PLA2G6: variants seen among roughly 807,000 people sequenced by gnomAD.
PLA2G6 encodes 85/88 kDa calcium-independent phospholipase A2.
A neutral mutation model predicts 83.8 loss-of-function variants in PLA2G6; 62 were observed. The ratio of observed to expected loss-of-function variants is 0.74; its 90% CI spans 0.60 to 0.91. The LOEUF is 0.91. Ranked by LOEUF, PLA2G6 falls within the 40% of genes least tolerant of loss-of-function variation. The pLI is 0.00. For missense variants in PLA2G6, 944 were observed against 1,102.0 expected, an observed-to-expected ratio of 0.86 and a Z score of 2.03; for synonymous variants, 417 against 449.8, an observed-to-expected ratio of 0.93 and a Z score of 0.92.
chr22:38,159,237 G>A (rs909787405), intron 2 of PLA2G6, among the ~76,000 whole-genome samples: 1 of 152,080 alleles, frequency 6.6e-6, no homozygotes, highest in African/African-American at 2.4e-5. Context: ...AAGGAAATAA[G>A]GGGACCTGCA....
In PLA2G6 at chr22:38,174,258, C is replaced by T. The variant is rs532931038; in HGVS notation, c.-45-4787G>A. Among the ~76,000 whole-genome samples, 12 of 151,988 alleles carry T rather than the reference C, an allele frequency of 7.9e-5. 1 individual carries two copies. The South Asian group carries it at 1.9e-3, about 24-fold the overall frequency. On this transcript the variant is annotated intron_variant, in intron 1 of 16. Transcript: ENST00000332509. Reference sequence around the variant, plus strand: ...AAAAATACAAAAAAAATTAGCTGGGCGTGGTGGCGGGTGCCTGTAGTCCCA... The same window carrying T: ...AAAAATACAAAAAAAATTAGCTGGGTGTGGTGGCGGGTGCCTGTAGTCCCA...
chr22:38,126,500 T>C, intron 9 of PLA2G6, 51 bp from the exon 10 acceptor site: 1 of 1,424,726 alleles, frequency 7.0e-7, no homozygotes, highest in South Asian at 1.1e-5. Context: ...CCCCAAGCCC[T>C]GCTACCCCAG....
chr22:38,175,118 C>T (rs1031767689), intron 1 of PLA2G6, among the ~76,000 whole-genome samples: 5 of 152,158 alleles, frequency 3.3e-5, no homozygotes, highest in East Asian at 1.9e-4. Flanking sequence ...CAGGCAGTCC[C>T]CTCTCCTCCC....
Position 38,132,090 on chromosome 22 carries a change from G to A in PLA2G6, c.1077+741C>T, listed in dbSNP as rs543598897. The A allele has an allele frequency of 1.2e-3, 527 of 454,682 alleles. 2 individuals carry two copies. The highest frequency in any genetic ancestry group is 6.2e-3 in the South Asian group (400 of 64,338). The allele number at this position is 454,682 out of a possible 1,614,324, so 28.2% of individuals were successfully genotyped here. On this transcript the variant is annotated intron_variant, in intron 7 of 16. Transcript: ENST00000332509. The surrounding 1 kb of genome is among the most constrained non-coding windows in gnomAD (Gnocchi z 5.0). ...AGATCGCGCCACTGCACTCCAGCCTGGGCGACAGTGCGAGACTCCATCTCG... is the reference window on the plus strand; with the variant it reads ...AGATCGCGCCACTGCACTCCAGCCTAGGCGACAGTGCGAGACTCCATCTCG...
At chr22:38,145,833 A>ACACACACC (rs1491467180) in intron 2 of PLA2G6, 180 bp from the exon 3 acceptor site, 67 of 595,194 alleles carry the variant, frequency 1.1e-4, no homozygotes, top group Admixed American at 5.3e-4. Flanking sequence ...ACACACACAC[A>ACACACACC]CCCCTATACA....
chr22:38,140,843 G>A (rs1055503929), intron 4 of PLA2G6: 2 of 153,092 alleles, frequency 1.3e-5, no homozygotes, highest in Non-Finnish European at 2.9e-5. Flanking sequence ...CCAAGAGTGT[G>A]ATACCAGCCT....
chr22:38,121,005 G>A, intron 11 of PLA2G6, 96 bp from the exon 12 acceptor site: 1 of 1,458,046 alleles, frequency 6.9e-7, no homozygotes, highest in Non-Finnish European at 9.4e-7. Context: ...GGAGGTGGCA[G>A]GAGGAAGCGG....
Position 38,112,099 on chromosome 22 carries a change from G to A in PLA2G6, c.*62C>T. On this transcript the variant is annotated 3_prime_UTR_variant, in exon 17 of 17. Transcript: ENST00000332509. ...ATCTGCCCGGGAGGGCAGTGGCTGG[G>A]CTTGGCCTGGCAGGGGCTGAATGGA... The A allele has an allele frequency of 1.3e-6, 2 of 1,541,350 alleles. No individual in the cohort carries two copies. Among genetic ancestry groups the A allele is most frequent in the Non-Finnish European group, 1.8e-6 (2 of 1,139,066 alleles).
intron 4 of PLA2G6, chr22:38,140,507 T>TA (rs1040917164): frequency 4.6e-4 from 128 of 275,726 alleles, no homozygotes; most frequent in Middle Eastern, 4.0e-3. Flanking sequence ...AAACTCTGTC[T>TA]AAAAAAAAAG....
chr22:38,170,187 C>G (rs577478861), intron 1 of PLA2G6, among the ~76,000 whole-genome samples: 2 of 141,266 alleles, frequency 1.4e-5, no homozygotes, highest in East Asian at 4.2e-4. Context: ...GATAGGGTGA[C>G]TCTGTCTCAA....
chr22:38,130,084 G>A (rs6001014), intron 7 of PLA2G6: 9,191 of 246,912 alleles, frequency 0.037, 854 homozygotes, highest in African/African-American at 0.19. Context: ...CCTGGAGGCC[G>A]GGCAGGGGCG....
Position 38,117,202 on chromosome 22 carries a change from G to A in PLA2G6, c.1743-991C>T, listed in dbSNP as rs1225504182. On this transcript the variant is annotated intron_variant, in intron 12 of 16. Coordinates refer to ENST00000332509, the MANE Select transcript of PLA2G6 (RefSeq NM_003560.4). Reference sequence around the variant, plus strand: ...AAACGGGTCAAGTTCGCCCACGAGCGTGGACACAAAAATCTTTTTTTTGAG... The same window carrying A: ...AAACGGGTCAAGTTCGCCCACGAGCATGGACACAAAAATCTTTTTTTTGAG... Among the ~76,000 whole-genome samples, 8 of 152,116 alleles carry A rather than the reference G, an allele frequency of 5.3e-5. No individual in the cohort carries two copies. In the East Asian group the frequency reaches 1.4e-3, roughly 26 times the overall value.
chr22:38,135,205 C>A, intron 5 of PLA2G6, 121 bp from the exon 6 acceptor site: 1 of 718,546 alleles, frequency 1.4e-6, no homozygotes, highest in Non-Finnish European at 2.5e-6. Flanking sequence ...CAAAGTTCAG[C>A]AAACCCAACC....
chr22:38,154,534 T>C (rs1046984172), intron 2 of PLA2G6, among the ~76,000 whole-genome samples: 31 of 152,260 alleles, frequency 2.0e-4, no homozygotes, highest in African/African-American at 7.2e-4. Flanking sequence ...GCAAGAGCCA[T>C]AGTATTAGTA....
chr22:38,117,211 A>G (rs942843928), intron 12 of PLA2G6, among the ~76,000 whole-genome samples: 6 of 152,186 alleles, frequency 3.9e-5, no homozygotes, highest in African/African-American at 9.6e-5. Flanking sequence ...CGTGGACACA[A>G]AAATCTTTTT....
chr22:38,125,624 C>A, intron 10 of PLA2G6: 1 of 467,444 alleles, frequency 2.1e-6, no homozygotes, highest in South Asian at 1.6e-5. Context: ...TGTGAGTTGC[C>A]ACCCTGACAC....
intron 14 of PLA2G6, among the ~76,000 whole-genome samples, chr22:38,115,085 A>G (rs946259454): frequency 6.6e-6 from 1 of 152,180 alleles, no homozygotes; most frequent in Non-Finnish European, 1.5e-5. Context: ...GGGCCTCAGG[A>G]TGGGTCCCCT....
intron 4 of PLA2G6, chr22:38,140,405 A>C: frequency 4.1e-6 from 2 of 485,470 alleles, no homozygotes; most frequent in South Asian, 4.0e-5. Context: ...CTACTCAGGA[A>C]CCTGAGGAAA....
intron 4 of PLA2G6, 129 bp downstream of exon 4, chr22:38,142,976 G>T: frequency 1.1e-6 from 1 of 873,366 alleles, no homozygotes; most frequent in Non-Finnish European, 1.9e-6. Flanking sequence ...CCATGAAGGA[G>T]CTCAGGCCTC....
Sources: allele counts gnomAD v4.1 joint callset (sites outside exome capture counted in the v4.1 genomes callset), GRCh38; gene constraint gnomAD v4.1.1; non-coding constraint Gnocchi (gnomAD v3.1); transcripts MANE v1.5; gene names NCBI Gene and HGNC (gene_info 2026-07-23, HGNC 2026-07-21).